RBFOX1: variants seen among roughly 807,000 people sequenced by gnomAD.
RBFOX1 encodes RNA binding protein fox-1 homolog 1.
A neutral mutation model predicts 57.7 loss-of-function variants in RBFOX1; 8 were observed. That is an observed-to-expected ratio of 0.14 (90% CI 0.08 to 0.25). The LOEUF (loss-of-function observed/expected upper bound fraction) is 0.25. Ranked by LOEUF, RBFOX1 falls within the 10% of genes least tolerant of loss-of-function variation. The probability of loss-of-function intolerance (pLI) is 1.00; values close to 1 mark genes in which losing one functional copy is unlikely to be tolerated. For missense variants in RBFOX1, 611 were observed against 548.5 expected, an observed-to-expected ratio of 1.11 and a Z score of -1.14; for synonymous variants, 326 against 222.4, an observed-to-expected ratio of 1.47 and a Z score of -4.15.
In RBFOX1 at chr16:7,161,887, A is replaced by G. The variant is rs148826000; in HGVS notation, c.27+109789A>G. On this transcript the variant is annotated intron_variant, in intron 4 of 15. Coordinates refer to ENST00000550418, the MANE Select transcript of RBFOX1 (RefSeq NM_018723.4). Reference sequence around the variant, plus strand: ...TCCATTTGCAGTGCCCAGAATGAGAAAGGTGATGTTTATTCTCCCTGGTAA... The same window carrying G: ...TCCATTTGCAGTGCCCAGAATGAGAGAGGTGATGTTTATTCTCCCTGGTAA... 2.6e-5 allele frequency among the ~76,000 whole-genome samples: 4 copies of G among 152,350 alleles called. No individual in the cohort carries two copies. In the East Asian group the frequency reaches 5.8e-4, roughly 22 times the overall value.
intron 3 of RBFOX1, among the ~76,000 whole-genome samples, chr16:6,662,140 A>G (rs993387922): frequency 7.4e-5 from 1 of 13,548 alleles, no homozygotes; most frequent in Non-Finnish European, 2.1e-4. Flanking sequence ...GGCGGGGTGA[A>G]AAAAAAGGGA....
chr16:6,386,874 A>G (rs1322484550), intron 2 of RBFOX1, among the ~76,000 whole-genome samples: 1 of 152,148 alleles, frequency 6.6e-6, no homozygotes, highest in Non-Finnish European at 1.5e-5. Context: ...GTGGTGAGAA[A>G]GGCGGAGAGC....
chr16:7,220,393 C>T (rs1437812080), intron 4 of RBFOX1, among the ~76,000 whole-genome samples: 8 of 152,110 alleles, frequency 5.3e-5, no homozygotes, highest in Admixed American at 1.3e-4. Context: ...TGTTGTTGCT[C>T]AAAGAAGGTG....
chr16:5,812,495 A>G (rs539121097), intron 3 of RBFOX1, among the ~76,000 whole-genome samples: 23 of 141,708 alleles, frequency 1.6e-4, no homozygotes, highest in South Asian at 4.4e-4. Context: ...GTCTCACTCT[A>G]TCACTCAGGC....
chr16:7,601,368 T>C (rs547370850), intron 9 of RBFOX1, among the ~76,000 whole-genome samples: 1 of 152,208 alleles, frequency 6.6e-6, no homozygotes, highest in Non-Finnish European at 1.5e-5. Context: ...TAAAAGATTA[T>C]TTTTACTACT....
At chr16:5,710,628 A>G (rs2051450622) in intron 3 of RBFOX1, among the ~76,000 whole-genome samples, 1 of 152,176 alleles carries the variant, frequency 6.6e-6, no homozygotes, top group South Asian at 2.1e-4. Context: ...GTTGGTGCAC[A>G]GGATGTTTTA....
intron 14 of RBFOX1, among the ~76,000 whole-genome samples, chr16:7,677,596 C>A (rs1264364321): frequency 1.3e-5 from 2 of 152,134 alleles, no homozygotes; most frequent in Non-Finnish European, 2.9e-5. Flanking sequence ...GCCGTAGCTA[C>A]TTTTGTATGG....
chr16:5,358,895 G>A (rs1487628394), intron 1 of RBFOX1, among the ~76,000 whole-genome samples: 1 of 152,126 alleles, frequency 6.6e-6, no homozygotes, highest in Admixed American at 6.5e-5. Context: ...ATCAAATACT[G>A]CATCTTATTC....
intron 1 of RBFOX1, among the ~76,000 whole-genome samples, chr16:6,275,215 G>T (rs1314821689): frequency 6.6e-6 from 1 of 151,876 alleles, no homozygotes; most frequent in African/African-American, 2.4e-5. Flanking sequence ...GGAGGCTGAG[G>T]CAGGAGAAGG....
intron 4 of RBFOX1, among the ~76,000 whole-genome samples, chr16:7,246,206 C>G (rs566794032): frequency 6.6e-6 from 1 of 152,282 alleles, no homozygotes; most frequent in African/African-American, 2.4e-5. Context: ...GGACTGCTTT[C>G]AAATTTGAGA....
chr16:7,184,933 C>A (rs1922588), intron 4 of RBFOX1, among the ~76,000 whole-genome samples: 1 of 151,984 alleles, frequency 6.6e-6, no homozygotes, highest in Admixed American at 6.6e-5. Flanking sequence ...GCCCAAAGTA[C>A]GTTTGATACT....
intron 4 of RBFOX1, among the ~76,000 whole-genome samples, chr16:7,413,420 G>T (rs1426143380): frequency 2.0e-5 from 3 of 152,026 alleles, no homozygotes. Flanking sequence ...CAGAGTTCCT[G>T]ATTCACTGGG....
At chr16:6,187,002 C>T (rs563828631) in intron 1 of RBFOX1, among the ~76,000 whole-genome samples, 2 of 152,106 alleles carry the variant, frequency 1.3e-5, no homozygotes, top group Non-Finnish European at 2.9e-5. Context: ...ATCTGTGTAT[C>T]TAGTCAGTGA....
chr16:7,701,358 TTCCTGCCTGAGCTCCACC>T (rs1311621208), intron 14 of RBFOX1, among the ~76,000 whole-genome samples: 3 of 152,176 alleles, frequency 2.0e-5, no homozygotes, highest in Non-Finnish European at 4.4e-5. Flanking sequence ...CTCACTCACA[TTCCTGCCTGAGCTCCACC>T]TCCTGTCTGA....
At chr16:7,389,571 G>C (rs2097954415) in intron 4 of RBFOX1, among the ~76,000 whole-genome samples, 1 of 152,112 alleles carries the variant, frequency 6.6e-6, no homozygotes, top group Non-Finnish European at 1.5e-5. Context: ...AGAATGACTT[G>C]CTTTAGCCAA....
chr16:6,688,181 G>A (rs575757924), intron 3 of RBFOX1, among the ~76,000 whole-genome samples: 3 of 151,528 alleles, frequency 2.0e-5, no homozygotes, highest in South Asian at 4.2e-4. Flanking sequence ...CAGTCATGGT[G>A]GAAAAAAAAA....
chr16:6,801,116 C>G (rs1038486780), intron 3 of RBFOX1, among the ~76,000 whole-genome samples: 1 of 150,406 alleles, frequency 6.6e-6, no homozygotes, highest in Non-Finnish European at 1.5e-5. Context: ...GGGGATTGAC[C>G]TATTAAGCAT....
chr16:6,266,535 G>A (rs983109664), intron 1 of RBFOX1, among the ~76,000 whole-genome samples: 4 of 152,008 alleles, frequency 2.6e-5, no homozygotes, highest in Non-Finnish European at 4.4e-5. Context: ...CCAACATGGT[G>A]AAACCCCATC....
intron 2 of RBFOX1, among the ~76,000 whole-genome samples, chr16:6,450,776 T>C (rs1238907408): frequency 7.2e-5 from 3 of 41,764 alleles, no homozygotes; most frequent in African/African-American, 1.4e-4. Flanking sequence ...TGTATATATA[T>C]ATATATATAT....
Sources: allele counts gnomAD v4.1 joint callset (sites outside exome capture counted in the v4.1 genomes callset), GRCh38; gene constraint gnomAD v4.1.1; transcripts MANE v1.5; gene names NCBI Gene and HGNC (gene_info 2026-07-23, HGNC 2026-07-21).